The following NRXN1 variants were observed in gnomAD, a reference collection of about 807,000 sequenced individuals.
The protein encoded by NRXN1 is neurexin-1.
A neutral mutation model predicts 150.9 loss-of-function variants in NRXN1; 39 were observed. The ratio of observed to expected loss-of-function variants is 0.26; its 90% CI spans 0.20 to 0.34. The LOEUF (loss-of-function observed/expected upper bound fraction) is 0.34. Ranked by LOEUF, NRXN1 falls within the 10% of genes least tolerant of loss-of-function variation. The pLI is 1.00. For synonymous variants in NRXN1, 924 were observed against 757.0 expected, an observed-to-expected ratio of 1.22 and a Z score of -3.62; for missense variants, 1,815 against 1,949.9, an observed-to-expected ratio of 0.93 and a Z score of 1.30.
At chr2:50,626,374 A>G (rs544963415) in intron 5 of NRXN1, among the ~76,000 whole-genome samples, 52 of 152,098 alleles carry the variant, frequency 3.4e-4, no homozygotes, top group African/African-American at 1.1e-3. Flanking sequence ...TTGCCTGCGT[A>G]AAGATGGACA....
At chr2:50,315,236 C>T (rs1266892278) in intron 17 of NRXN1, among the ~76,000 whole-genome samples, 1 of 151,996 alleles carries the variant, frequency 6.6e-6, no homozygotes, top group African/African-American at 2.4e-5. Context: ...TAAAACTGCA[C>T]AGGCAGCAGC....
intron 2 of NRXN1, among the ~76,000 whole-genome samples, chr2:50,957,886 T>C (rs1376357655): frequency 6.6e-6 from 1 of 152,136 alleles, no homozygotes; most frequent in Non-Finnish European, 1.5e-5. Flanking sequence ...AAATGATTTA[T>C]AGTATCCACT....
intron 5 of NRXN1, among the ~76,000 whole-genome samples, chr2:50,846,454 T>A (rs2105953396): frequency 6.6e-6 from 1 of 152,248 alleles, no homozygotes; most frequent in South Asian, 2.1e-4. Context: ...AAGATGTGAA[T>A]CCTGTGGTAT....
At chr2:49,945,404 T>A (rs1023599868) in intron 21 of NRXN1, among the ~76,000 whole-genome samples, 3 of 151,764 alleles carry the variant, frequency 2.0e-5, no homozygotes, top group East Asian at 1.9e-4. Flanking sequence ...TTTTTTTTTT[T>A]ATTATACTTT....
At chr2:50,686,160 A>T (rs1404204026) in intron 5 of NRXN1, among the ~76,000 whole-genome samples, 1 of 152,164 alleles carries the variant, frequency 6.6e-6, no homozygotes, top group Non-Finnish European at 1.5e-5. Flanking sequence ...AAACAAACAA[A>T]CAAAAAACTA....
intron 18 of NRXN1, among the ~76,000 whole-genome samples, chr2:50,106,075 AAC>A (rs1701598405): frequency 6.6e-6 from 1 of 151,906 alleles, no homozygotes; most frequent in South Asian, 2.1e-4. Context: ...CTCTCTTAAA[AAC>A]ATAATGACCA....
intron 18 of NRXN1, among the ~76,000 whole-genome samples, chr2:50,166,304 TGTG>T (rs2059681556): frequency 6.7e-6 from 1 of 149,148 alleles, no homozygotes; most frequent in African/African-American, 2.5e-5. Context: ...TGTGTGTGTG[TGTG>T]TGTGTGTGTG....
intron 2 of NRXN1, among the ~76,000 whole-genome samples, chr2:50,966,618 A>C (rs1389901692): frequency 6.6e-6 from 1 of 151,816 alleles, no homozygotes; most frequent in Non-Finnish European, 1.5e-5. Flanking sequence ...TTCCATTTTA[A>C]TGTGATTGCC....
chr2:50,230,160 C>T (rs2064803650), intron 18 of NRXN1, among the ~76,000 whole-genome samples: 1 of 151,972 alleles, frequency 6.6e-6, no homozygotes, highest in African/African-American at 2.4e-5. Context: ...GTGAAAAGAT[C>T]CAGGACCAAC....
chr2:50,106,006 C>G (rs1196068913), intron 18 of NRXN1, among the ~76,000 whole-genome samples: 1 of 151,734 alleles, frequency 6.6e-6, no homozygotes, highest in East Asian at 1.9e-4. Flanking sequence ...CTTTCTTAGT[C>G]AATTTCAGAT....
chr2:50,822,641 A>C (rs1413695690), intron 5 of NRXN1, among the ~76,000 whole-genome samples: 1 of 152,140 alleles, frequency 6.6e-6, no homozygotes, highest in African/African-American at 2.4e-5. Context: ...GAAAAAGAGA[A>C]GAGGGAATAA....
intron 2 of NRXN1, among the ~76,000 whole-genome samples, chr2:50,990,046 CTTTAA>C (rs1040254705): frequency 6.6e-6 from 1 of 151,900 alleles, no homozygotes; most frequent in African/African-American, 2.4e-5. Context: ...CTCATTGTGA[CTTTAA>C]TTTATGTTTA....
intron 6 of NRXN1, among the ~76,000 whole-genome samples, chr2:50,622,725 T>C (rs1391455310): frequency 1.3e-5 from 2 of 152,146 alleles, no homozygotes; most frequent in Admixed American, 1.3e-4. Context: ...TTAACTGGCC[T>C]TTCCAGAGTC....
intron 17 of NRXN1, among the ~76,000 whole-genome samples, chr2:50,432,480 G>A (rs1385178450): frequency 6.6e-6 from 1 of 152,106 alleles, no homozygotes; most frequent in African/African-American, 2.4e-5. Context: ...GATGCTAGTT[G>A]CCTAAAGAAT....
At chr2:50,746,598 A>C (rs1469078984) in intron 5 of NRXN1, among the ~76,000 whole-genome samples, 4 of 147,808 alleles carry the variant, frequency 2.7e-5, no homozygotes, top group Admixed American at 6.7e-5. Flanking sequence ...ACAACAACAA[A>C]AATGTGGTCT....
chr2:50,962,317 T>C (rs1264225672), intron 2 of NRXN1, among the ~76,000 whole-genome samples: 1 of 151,762 alleles, frequency 6.6e-6, no homozygotes, highest in African/African-American at 2.4e-5. Flanking sequence ...TCTGATTATC[T>C]TCCTGAGTAT....
At chr2:50,921,712 G>A (rs2104278136) in intron 5 of NRXN1, among the ~76,000 whole-genome samples, 157 bp downstream of exon 5, 1 of 151,692 alleles carries the variant, frequency 6.6e-6, no homozygotes. Context: ...CATATTGATG[G>A]ATTTTTCTTA....
chr2:50,279,897 G>C (rs1451741551), intron 17 of NRXN1, among the ~76,000 whole-genome samples: 1 of 152,146 alleles, frequency 6.6e-6, no homozygotes, highest in African/African-American at 2.4e-5. Context: ...GTAACACTAA[G>C]CCACTTACTT....
intron 17 of NRXN1, among the ~76,000 whole-genome samples, chr2:50,440,791 A>C (rs1265706275): frequency 6.6e-6 from 1 of 152,178 alleles, no homozygotes; most frequent in East Asian, 1.9e-4. Flanking sequence ...AGGTGCACAT[A>C]ACTTTCAAGC....
Sources: allele counts gnomAD v4.1 joint callset (sites outside exome capture counted in the v4.1 genomes callset), GRCh38; gene constraint gnomAD v4.1.1; transcripts MANE v1.5; gene names NCBI Gene and HGNC (gene_info 2026-07-23, HGNC 2026-07-21).